The following INSR variants were observed in gnomAD, a reference collection of about 807,000 sequenced individuals.
The protein encoded by INSR is insulin receptor, also known as IR.
In INSR, 67 loss-of-function variants were observed where a neutral mutation model predicts 142.6. That is an observed-to-expected ratio of 0.47 (90% confidence interval 0.39 to 0.58). The LOEUF is 0.58. INSR is among the 20% of genes least tolerant of loss of function. The pLI, the probability that INSR is intolerant of heterozygous loss-of-function variation, is 0.00. For missense variants in INSR, 1,248 were observed against 1,833.2 expected, an observed-to-expected ratio of 0.68 and a Z score of 5.83; for synonymous variants, 756 against 743.1, an observed-to-expected ratio of 1.02 and a Z score of -0.28.
intron 2 of INSR, among the ~76,000 whole-genome samples, chr19:7,208,653 T>C (rs1975184565): frequency 6.6e-6 from 1 of 151,948 alleles, no homozygotes; most frequent in Non-Finnish European, 1.5e-5. Flanking sequence ...GTGGATCGCT[T>C]GAGCCCAGGA....
At chr19:7,165,542 A>G (rs1251529748) in intron 8 of INSR, among the ~76,000 whole-genome samples, 1 of 152,056 alleles carries the variant, frequency 6.6e-6, no homozygotes, top group Non-Finnish European at 1.5e-5. Flanking sequence ...GTCTGAAACT[A>G]TAAGCCTCAA....
intron 2 of INSR, among the ~76,000 whole-genome samples, chr19:7,246,464 G>GCTAC (rs2145162571): frequency 6.6e-6 from 1 of 152,264 alleles, no homozygotes; most frequent in East Asian, 1.9e-4. Flanking sequence ...AGACCATCCA[G>GCTAC]CTACCAGACA....
At position 7,113,831 on chromosome 19, in the gene INSR, A is replaced by G. The variant is rs1381793986; in HGVS notation, c.*3225T>C. 1 of 152,096 alleles carries G rather than the reference A, an allele frequency of 6.6e-6. No individual in the cohort carries two copies. The highest frequency in any genetic ancestry group is 2.4e-5 in the African/African-American group (1 of 41,406). The allele number at this position is 152,096 out of a possible 1,614,324, so 9.4% of individuals were successfully genotyped here. ...CAAATAAATGAAACTGGTGAATCCC[A>G]TTTGCAAGGGGCAGGCCCAGCACAC... is the stretch of plus-strand genomic sequence containing the variant. On this transcript the variant is annotated 3_prime_UTR_variant, in exon 22 of 22. Transcript: ENST00000302850.
chr19:7,116,953 TG>T lies in INSR; in HGVS notation c.*102del. On this transcript the variant is annotated 3_prime_UTR_variant, in exon 22 of 22. Transcript: ENST00000302850. ...TATAGGAACGATCTCTGAACTCCAT[TG>T]GACATGGTAGAGTCGTGAGAATCCT... The T allele has an allele frequency of 1.1e-6, 1 of 926,238 alleles. No individual in the cohort carries two copies. Among genetic ancestry groups the T allele is most frequent in the Non-Finnish European group, 1.8e-6 (1 of 553,870 alleles). The allele number at this position is 926,238 out of a possible 1,614,324, so 57.4% of individuals were successfully genotyped here.
At position 7,143,032 on chromosome 19, in the gene INSR, T is replaced by C. The variant is rs1973110779; in HGVS notation, c.2326A>G (p.Thr776Ala). The C allele has an allele frequency of 1.9e-6, 3 of 1,614,204 alleles. No individual in the cohort carries two copies. Among genetic ancestry groups the C allele is most frequent in the East Asian group, 2.2e-5 (1 of 44,888 alleles). ...DVGNVTVAVP[T>A]VAAFPNTSST... ...GAAGTGTTGGGGAAAGCTGCCACCGTGGGCACGGCCACCGTCACATTCCCA... is the reference window on the plus strand; with the variant it reads ...GAAGTGTTGGGGAAAGCTGCCACCGCGGGCACGGCCACCGTCACATTCCCA... The change falls in exon 12 of 22, where the codon ACG becomes GCG. Residue 776 changes from threonine to alanine, a missense_variant. Thr to Ala is a moderately conservative substitution (Grantham distance 58). This residue lies in a region of INSR where 1,069 missense variants were observed against 1,654.0 expected (regional missense o/e 0.65). Transcript: ENST00000302850.
chr19:7,287,694 T>G (rs181726100), intron 1 of INSR, among the ~76,000 whole-genome samples: 282 of 152,324 alleles, frequency 1.9e-3, no homozygotes, highest in Non-Finnish European at 3.4e-3. Context: ...GACACACGTT[T>G]CTTTAACATC....
At chr19:7,209,542 C>T (rs1156229482) in intron 2 of INSR, among the ~76,000 whole-genome samples, 5 of 151,624 alleles carry the variant, frequency 3.3e-5, no homozygotes, top group Non-Finnish European at 5.9e-5. Context: ...CTCAGCCTCT[C>T]GAGTAACTGG....
intron 9 of INSR, among the ~76,000 whole-genome samples, chr19:7,160,832 T>C (rs1393187850): frequency 6.6e-6 from 1 of 151,608 alleles, no homozygotes; most frequent in African/African-American, 2.4e-5. Context: ...ACCCCGTCTC[T>C]ACTAAAAATA....
chr19:7,239,103 A>T (rs1008052360), intron 2 of INSR, among the ~76,000 whole-genome samples: 1 of 152,186 alleles, frequency 6.6e-6, no homozygotes, highest in African/African-American at 2.4e-5. Context: ...GAGATTTAAA[A>T]AGATGGATGC....
chr19:7,259,344 C>T (rs1182869544), intron 2 of INSR, among the ~76,000 whole-genome samples: 2 of 151,918 alleles, frequency 1.3e-5, no homozygotes, highest in African/African-American at 2.4e-5. Flanking sequence ...GTGGGGTGCG[C>T]GGCGGAAGGG....
At chr19:7,250,588 A>AAGGAAGGAGAGGAGGGAGGGAG (rs1976695561) in intron 2 of INSR, among the ~76,000 whole-genome samples, 3 of 112,248 alleles carry the variant, frequency 2.7e-5, no homozygotes, top group African/African-American at 1.0e-4. Flanking sequence ...GAGGGAGGGA[A>AAGGAAGGAGAGGAGGGAGGGAG]GGAAGGAAGG....
At chr19:7,270,337 T>TCACACACACACACA (rs1334553477) in intron 1 of INSR, among the ~76,000 whole-genome samples, 59 of 95,686 alleles carry the variant, frequency 6.2e-4, no homozygotes, top group African/African-American at 2.4e-3. Flanking sequence ...TCTCTCTCTC[T>TCACACACACACACA]CTCACACACA....
intron 2 of INSR, among the ~76,000 whole-genome samples, chr19:7,239,865 G>T (rs1003190002): frequency 6.6e-6 from 1 of 152,184 alleles, no homozygotes; most frequent in Non-Finnish European, 1.5e-5. Context: ...CATGCAGCAG[G>T]TGTAGCAATT....
chr19:7,197,006 T>G (rs1261402222), intron 2 of INSR, among the ~76,000 whole-genome samples: 1 of 152,082 alleles, frequency 6.6e-6, no homozygotes, highest in East Asian at 1.9e-4. Flanking sequence ...GAGGTTCGAG[T>G]CCCCGGAGCC....
intron 9 of INSR, among the ~76,000 whole-genome samples, chr19:7,154,583 T>G (rs377071702): frequency 6.8e-6 from 1 of 146,764 alleles, no homozygotes; most frequent in South Asian, 2.4e-4. Flanking sequence ...ATTACAGGCG[T>G]GAGCCACTGC....
intron 9 of INSR, among the ~76,000 whole-genome samples, chr19:7,156,233 G>C (rs560143952): frequency 6.6e-6 from 1 of 151,420 alleles, no homozygotes; most frequent in Non-Finnish European, 1.5e-5. Context: ...CTAATGTTTT[G>C]TATTTTTAGC....
rs1043788178 is a variant in INSR at position 7,119,668 on chromosome 19, GCA to G, written c.3660-87_3660-86del. On this transcript the variant is annotated intron_variant, in intron 20 of 21. Coordinates refer to ENST00000302850, the MANE Select transcript of INSR (RefSeq NM_000208.4). This position sits in a 1 kb window ranked among gnomAD's most constrained non-coding sequence, Gnocchi z 5.2. Reference sequence around the variant, plus strand: ...CGCGCGCAAACACACACACGCAAACGCACACACACACGCAAACACACATGCCA... The same window carrying G: ...CGCGCGCAAACACACACACGCAAACGCACACACACGCAAACACACATGCCA... The G allele has an allele frequency of 3.6e-4, 515 of 1,438,550 alleles. No individual in the cohort carries two copies. The highest frequency in any genetic ancestry group is 7.1e-4 in the Middle Eastern group (3 of 4,228). The allele number at this position is 1,438,550 out of a possible 1,614,324, so 89.1% of individuals were successfully genotyped here.
intron 9 of INSR, among the ~76,000 whole-genome samples, chr19:7,158,018 G>T (rs1164617920): frequency 6.7e-6 from 1 of 150,146 alleles, no homozygotes; most frequent in African/African-American, 2.5e-5. Context: ...AAAAAATGTA[G>T]AACTGCCTGA....
At chr19:7,275,553 C>T (rs1013148721) in intron 1 of INSR, among the ~76,000 whole-genome samples, 9 of 151,990 alleles carry the variant, frequency 5.9e-5, no homozygotes, top group Non-Finnish European at 1.3e-4. Flanking sequence ...GAGGCCAAGG[C>T]GGGTGGATGA....
Sources: allele counts gnomAD v4.1 joint callset (sites outside exome capture counted in the v4.1 genomes callset), GRCh38; gene constraint gnomAD v4.1.1; regional missense constraint gnomAD v4.1.1; non-coding constraint Gnocchi (gnomAD v3.1); transcripts MANE v1.5; gene names NCBI Gene and HGNC (gene_info 2026-07-23, HGNC 2026-07-21).